UBE3B: variants seen among roughly 807,000 people sequenced by gnomAD.
The protein encoded by UBE3B is ubiquitin protein ligase E3B.
Under a neutral mutation model 132.3 loss-of-function variants are expected in UBE3B, and 80 were observed. The ratio of observed to expected loss-of-function variants is 0.60; its 90% CI spans 0.50 to 0.73. The LOEUF is 0.73. UBE3B is among the 30% of genes least tolerant of loss of function. UBE3B has a pLI of 0.00. For missense variants in UBE3B, 1,196 were observed against 1,362.5 expected, an observed-to-expected ratio of 0.88 and a Z score of 1.92; for synonymous variants, 487 against 520.4, an observed-to-expected ratio of 0.94 and a Z score of 0.87.
chr12:109,529,825 C>G, intron 24 of UBE3B, 65 bp from the exon 25 acceptor site: 1 of 1,573,618 alleles, frequency 6.4e-7, no homozygotes, highest in Non-Finnish European at 8.7e-7. Context: ...TGTCTTTCAG[C>G]CCATTGGTGA....
At chr12:109,514,436 G>A (rs1880750604) in intron 18 of UBE3B, among the ~76,000 whole-genome samples, 1 of 152,160 alleles carries the variant, frequency 6.6e-6, no homozygotes, top group South Asian at 2.1e-4. Context: ...TTTCTTCCAT[G>A]CCCCATAGAA....
At position 109,497,783 on chromosome 12, in the gene UBE3B, G is replaced by A. The variant is rs760043580; in HGVS notation, c.714-35G>A. 13 of 1,606,376 alleles carry A rather than the reference G, an allele frequency of 8.1e-6. No homozygotes were observed. The African/African-American group carries it at 1.7e-4, about 21-fold the overall frequency. On this transcript the variant is annotated intron_variant, in intron 9 of 27. Coordinates refer to ENST00000342494, the MANE Select transcript of UBE3B (RefSeq NM_130466.4). ...TGCTTTTGTTCTGGATGCACACGGA[G>A]ACCTGTCTGAATGAGTGGATCTATC...
chr12:109,530,784 C>A, intron 26 of UBE3B, 126 bp downstream of exon 26: 1 of 927,934 alleles, frequency 1.1e-6, no homozygotes, highest in Non-Finnish European at 1.6e-6. Flanking sequence ...AGCACATCCT[C>A]TCCCACAGGC....
At chr12:109,528,374 G>A in intron 24 of UBE3B, 2 of 985,370 alleles carry the variant, frequency 2.0e-6, no homozygotes, top group Non-Finnish European at 2.4e-6. Context: ...CTGGAAGGAG[G>A]AGCAATGATA....
intron 18 of UBE3B, among the ~76,000 whole-genome samples, chr12:109,514,642 C>T (rs1394922308): frequency 1.3e-5 from 2 of 152,188 alleles, no homozygotes; most frequent in Non-Finnish European, 2.9e-5. Flanking sequence ...TCACAAACTA[C>T]ACGACTCCAC....
chr12:109,488,605 CT>C lies in UBE3B; in HGVS notation c.482del (p.Leu161ArgfsTer29), dbSNP rs1566076563. Reference protein sequence around the residue: ...EILQDSRLITLYLTMLVTFTD... With the variant: ...EILQDSRLITXYLTMLVTFTD... ...CCTGCAGGACTCCCGACTCATCACC[CT>C]GTACCTCACGATGCTTGTCACCTTC... On this transcript the variant is annotated frameshift_variant, in exon 7 of 28. Transcript: ENST00000342494. LOFTEE classifies it high-confidence loss of function. 1 of 1,614,192 alleles carries C rather than the reference CT, an allele frequency of 6.2e-7. No individual in the cohort carries two copies. The highest frequency in any genetic ancestry group is 8.5e-7 in the Non-Finnish European group (1 of 1,180,008).
chr12:109,543,654 G>A, the UBE3B span, among the ~76,000 whole-genome samples: 26 of 152,296 alleles, frequency 1.7e-4, no homozygotes, highest in Non-Finnish European at 3.4e-4. Context: ...CCAACATGGC[G>A]AAACCTCGTC....
chr12:109,541,741 C>T, the UBE3B span, among the ~76,000 whole-genome samples: 3 of 152,204 alleles, frequency 2.0e-5, no homozygotes, highest in Admixed American at 2.0e-4. Flanking sequence ...GGCAGCACTC[C>T]CTCTGGAGGC....
At position 109,501,377 on chromosome 12, in the gene UBE3B, C is replaced by T. The variant is rs750753894; in HGVS notation, c.1125C>T (p.Asn375=). 17 of 1,613,994 alleles carry T rather than the reference C, an allele frequency of 1.1e-5. No individual in the cohort carries two copies. Among genetic ancestry groups the T allele is most frequent in the Admixed American group, 3.3e-5 (2 of 59,998 alleles). The change falls in exon 13 of 28, where the codon AAC becomes AAT. Residue 375 remains asparagine, a synonymous_variant. Coordinates refer to ENST00000342494, the MANE Select transcript of UBE3B (RefSeq NM_130466.4). ...CTCCTCTGCTCTCTCCTAGCCTTAA[C>T]GAGTCAATGCACTTGATCACCAAAC... ...WFSQSVDYGL[N]ESMHLITKQL...
intron 18 of UBE3B, among the ~76,000 whole-genome samples, chr12:109,514,357 G>A (rs983822103): frequency 6.6e-6 from 1 of 152,264 alleles, no homozygotes; most frequent in South Asian, 2.1e-4. Flanking sequence ...AGAATGATCC[G>A]TACCCAACTG....
At chr12:109,485,080 A>T (rs1876183586) in intron 4 of UBE3B, among the ~76,000 whole-genome samples, 1 of 152,238 alleles carries the variant, frequency 6.6e-6, no homozygotes, top group Admixed American at 6.5e-5. Flanking sequence ...TTGGCAATTA[A>T]TTTGAAATTT....
chr12:109,521,407 G>A lies in UBE3B; in HGVS notation c.2254-34G>A, dbSNP rs748334287. On this transcript the variant is annotated intron_variant, in intron 20 of 27. Transcript: ENST00000342494. This position sits in a 1 kb window ranked among gnomAD's most constrained non-coding sequence, Gnocchi z 4.2. ...TGGGCTTGCTCCTTGCAAGGCACTT[G>A]ACCTCTGCCTCTCCCCGTCTTTTTG... 1.1e-5 allele frequency: 17 copies of A among 1,588,302 alleles called. No homozygotes were observed. The highest frequency in any genetic ancestry group is 1.4e-5 in the Non-Finnish European group (16 of 1,161,916).
chr12:109,491,386 T>C, intron 9 of UBE3B: 1 of 351,192 alleles, frequency 2.8e-6, no homozygotes. Context: ...AATGAATTTC[T>C]TTTATCTAAA....
downstream of UBE3B, among the ~76,000 whole-genome samples, chr12:109,538,252 T>C (rs1162817616): frequency 6.6e-6 from 1 of 152,200 alleles, no homozygotes; most frequent in Non-Finnish European, 1.5e-5. This position sits in a 1 kb window ranked among gnomAD's most constrained non-coding sequence, Gnocchi z 4.1. Flanking sequence ...GACAGCTGGG[T>C]TCTCGCCAAG....
chr12:109,499,689 G>A lies in UBE3B; in HGVS notation c.997G>A (p.Gly333Arg). The change falls in exon 12 of 28, where the codon GGG becomes AGG. Residue 333 changes from glycine (G) to arginine (R), a missense_variant. Gly to Arg is a moderately radical substitution (Grantham distance 125). Coordinates refer to ENST00000342494, the MANE Select transcript of UBE3B (RefSeq NM_130466.4). ...SPRVLEEETDGFVSLLTQTLC... is the reference protein window; with the variant it reads ...SPRVLEEETDRFVSLLTQTLC... ...CAGAGTGTTAGAGGAGGAGACAGAT[G>A]GGTTCGTGAGTTTGCTCACCCAGAC... is the stretch of plus-strand genomic sequence containing the variant. 6.2e-7 allele frequency: 1 copy of A among 1,613,084 alleles called. No individual in the cohort carries two copies.
intron 19 of UBE3B, chr12:109,519,454 A>AT (rs1162293474): frequency 1.3e-5 from 2 of 152,232 alleles, no homozygotes; most frequent in South Asian, 2.1e-4. Context: ...CAAGACTGAG[A>AT]TTTGAATCCA....
Position 109,534,878 on chromosome 12 carries a change from G to GCATGT in UBE3B, c.*96_*97insCATGT. The stretch of plus-strand genomic sequence containing the variant: ...CCTGGGAATGTGACCAACATGCCAG[G>GCATGT]TGACATTGGCCCCTAGACCCTCTCT... On this transcript the variant is annotated 3_prime_UTR_variant, in exon 28 of 28. Transcript: ENST00000342494. The surrounding 1 kb of genome is among the most constrained non-coding windows in gnomAD (Gnocchi z 5.2). The GCATGT allele has an allele frequency of 9.0e-7, 1 of 1,116,450 alleles. No individual in the cohort carries two copies. The highest frequency in any genetic ancestry group is 1.2e-6 in the Non-Finnish European group (1 of 801,016). The allele number at this position is 1,116,450 out of a possible 1,614,324, so 69.2% of individuals were successfully genotyped here.
chr12:109,517,983 T>TG (rs1483579226), intron 19 of UBE3B: 8 of 436,928 alleles, frequency 1.8e-5, no homozygotes, highest in Non-Finnish European at 3.7e-5. Context: ...CAGTGTGTGC[T>TG]GAACAGTGGA....
At chr12:109,485,742 GA>G (rs1318665761) in intron 4 of UBE3B, among the ~76,000 whole-genome samples, 1 of 152,176 alleles carries the variant, frequency 6.6e-6, no homozygotes, top group African/African-American at 2.4e-5. Flanking sequence ...TTTTTTGAAA[GA>G]AGCCTCAATT....
Sources: allele counts gnomAD v4.1 joint callset (sites outside exome capture counted in the v4.1 genomes callset), GRCh38; gene constraint gnomAD v4.1.1; non-coding constraint Gnocchi (gnomAD v3.1); transcripts MANE v1.5; gene names NCBI Gene and HGNC (gene_info 2026-07-23, HGNC 2026-07-21).